COL5A2: variants seen among roughly 807,000 people sequenced by gnomAD.
The protein encoded by COL5A2 is collagen alpha-2(V) chain.
COL5A2 carries 23 observed loss-of-function variants against 208.2 expected under a neutral mutation model. The observed-to-expected ratio is 0.11, with a 90% CI of 0.08 to 0.16. COL5A2 has a LOEUF of 0.16. Among genes scored for constraint, COL5A2 ranks in the 10% least tolerant of loss-of-function variants. The probability of loss-of-function intolerance (pLI) is 1.00; values close to 1 mark genes in which losing one functional copy is unlikely to be tolerated. For missense variants in COL5A2, 1,590 were observed against 1,956.4 expected (o/e 0.81, Z 3.53); for synonymous variants, 625 against 628.5 (o/e 0.99, Z 0.08).
the COL5A2 span, among the ~76,000 whole-genome samples, chr2:189,431,332 C>T: frequency 6.6e-6 from 1 of 152,046 alleles, no homozygotes; most frequent in Non-Finnish European, 1.5e-5. Context: ...CAAAGCTGGA[C>T]AGAGAAAGAC....
chr2:189,414,612 C>T, the COL5A2 span, among the ~76,000 whole-genome samples: 8 of 151,844 alleles, frequency 5.3e-5, no homozygotes, highest in African/African-American at 1.7e-4. Flanking sequence ...TAGCCAAGTG[C>T]GGTGGCATGC....
At chr2:189,342,916 T>C in the COL5A2 span, among the ~76,000 whole-genome samples, 1 of 152,148 alleles carries the variant, frequency 6.6e-6, no homozygotes, top group Admixed American at 6.6e-5. Flanking sequence ...AAAAAAGATT[T>C]GCCAAAATGC....
intron 1 of COL5A2, among the ~76,000 whole-genome samples, chr2:189,197,825 T>TA (rs1245075044): frequency 6.7e-6 from 1 of 149,716 alleles, no homozygotes; most frequent in Admixed American, 6.8e-5. Flanking sequence ...ATTTTCCTCT[T>TA]ACGTGGCAAA....
At chr2:189,194,653 A>T (rs553432129) in intron 1 of COL5A2, among the ~76,000 whole-genome samples, 22 of 152,330 alleles carry the variant, frequency 1.4e-4, no homozygotes, top group Admixed American at 1.2e-3. Context: ...GAGTGGTGAA[A>T]GAGGGCATCC....
chr2:189,396,194 T>C, the COL5A2 span, among the ~76,000 whole-genome samples: 1 of 152,208 alleles, frequency 6.6e-6, no homozygotes, highest in African/African-American at 2.4e-5. Context: ...AGCTAAAGTG[T>C]GTGATCTCAG....
the COL5A2 span, among the ~76,000 whole-genome samples, chr2:189,287,239 T>C: frequency 6.6e-6 from 1 of 152,130 alleles, no homozygotes; most frequent in Admixed American, 6.6e-5. Flanking sequence ...TGTGAAGTAC[T>C]TGGCACATAA....
chr2:189,162,926 A>C (rs1688396432), intron 1 of COL5A2, among the ~76,000 whole-genome samples: 1 of 152,174 alleles, frequency 6.6e-6, no homozygotes, highest in Admixed American at 6.5e-5. Flanking sequence ...TATTCCAAAA[A>C]AATTCTGTGC....
intron 50 of COL5A2, 45 bp downstream of exon 50, chr2:189,041,541 A>G: frequency 7.0e-7 from 1 of 1,419,034 alleles, no homozygotes; most frequent in Non-Finnish European, 1.0e-6. Flanking sequence ...AATCTGAGCT[A>G]TTGAATAAAT....
the COL5A2 span, among the ~76,000 whole-genome samples, chr2:189,412,429 TAA>T: frequency 3.9e-5 from 6 of 152,224 alleles, no homozygotes; most frequent in South Asian, 1.0e-3. Flanking sequence ...AACATTCCAC[TAA>T]GTTTATTTAT....
At chr2:189,125,228 G>T (rs559333546) in intron 1 of COL5A2, among the ~76,000 whole-genome samples, 2 of 152,234 alleles carry the variant, frequency 1.3e-5, no homozygotes, top group South Asian at 2.1e-4. Flanking sequence ...TGTTGTAGAG[G>T]TTCAACCATA....
At chr2:189,394,495 C>G in the COL5A2 span, among the ~76,000 whole-genome samples, 1 of 152,170 alleles carries the variant, frequency 6.6e-6, no homozygotes, top group East Asian at 1.9e-4. Context: ...CCCACTTCCT[C>G]TCTCTGCTCT....
At chr2:189,392,906 A>G in the COL5A2 span, among the ~76,000 whole-genome samples, 1 of 152,168 alleles carries the variant, frequency 6.6e-6, no homozygotes, top group Admixed American at 6.5e-5. Context: ...AGAAGAATTA[A>G]TTTTTGGAAA....
In COL5A2 at chr2:189,032,893, A is replaced by AAAT. The variant is rs1685364493; in HGVS notation, c.*1174_*1176dup. 6.6e-6 allele frequency: 1 copy of AAAT among 152,598 alleles called. No individual in the cohort carries two copies. The highest frequency in any genetic ancestry group is 2.1e-4 in the South Asian group (1 of 4,834). 9.5% of individuals were successfully genotyped at this position (152,598 alleles called of 1,614,324 possible). A position where few individuals can be genotyped will look rare whatever the true frequency, so the allele number is the denominator to read the frequency against. On this transcript the variant is annotated 3_prime_UTR_variant, in exon 54 of 54. Transcript: ENST00000374866. ...AATTTTAGCACCATCATTAAAGGAA[A>AAAT]AATAATAATACCTTTTTAGCCCTGC...
intron 37 of COL5A2, 103 bp downstream of exon 37, chr2:189,053,792 C>A: frequency 9.3e-7 from 1 of 1,080,172 alleles, no homozygotes; most frequent in Non-Finnish European, 1.4e-6. Context: ...TTATACATAA[C>A]CTAAAACCAA....
chr2:189,326,287 T>C, the COL5A2 span, among the ~76,000 whole-genome samples: 1 of 152,150 alleles, frequency 6.6e-6, no homozygotes, highest in Non-Finnish European at 1.5e-5. Context: ...AATAATTTAT[T>C]TTAAAAGTTT....
chr2:189,260,925 T>G, the COL5A2 span, among the ~76,000 whole-genome samples: 1 of 152,212 alleles, frequency 6.6e-6, no homozygotes, highest in African/African-American at 2.4e-5. Context: ...TTTTAGAGAT[T>G]TGAATATAAA....
chr2:189,047,120 C>CAAA (rs57456004), intron 45 of COL5A2, among the ~76,000 whole-genome samples: 2 of 109,374 alleles, frequency 1.8e-5, no homozygotes, highest in Non-Finnish European at 2.0e-5. Context: ...GACTCTGTCT[C>CAAA]AAAAAAAAAA....
At chr2:189,131,534 A>C (rs2105754311) in intron 1 of COL5A2, among the ~76,000 whole-genome samples, 1 of 152,292 alleles carries the variant, frequency 6.6e-6, no homozygotes, top group East Asian at 1.9e-4. Context: ...TTGGACAAAA[A>C]ATTTAGGGTC....
chr2:189,044,729 T>C (rs911450531), intron 47 of COL5A2, among the ~76,000 whole-genome samples: 1 of 152,158 alleles, frequency 6.6e-6, no homozygotes, highest in Admixed American at 6.5e-5. Flanking sequence ...GACATCTATA[T>C]AATAATGTTA....
Sources: allele counts gnomAD v4.1 joint callset (sites outside exome capture counted in the v4.1 genomes callset), GRCh38; gene constraint gnomAD v4.1.1; transcripts MANE v1.5; gene names NCBI Gene and HGNC (gene_info 2026-07-23, HGNC 2026-07-21).